The following DOCK10 variants were observed in gnomAD, a reference collection of about 807,000 sequenced individuals.
DOCK10 encodes the protein dedicator of cytokinesis protein 10.
In DOCK10, 145 loss-of-function variants were observed where a neutral mutation model predicts 280.1. The observed-to-expected ratio is 0.52, with a 90% CI of 0.45 to 0.59. The LOEUF (loss-of-function observed/expected upper bound fraction) is 0.59. Among genes scored for constraint, DOCK10 ranks in the 20% least tolerant of loss-of-function variants. The pLI, the probability that DOCK10 is intolerant of heterozygous loss-of-function variation, is 0.00. For missense variants in DOCK10, 2,368 were observed against 2,651.7 expected (o/e 0.89, Z 2.35); for synonymous variants, 915 against 942.2 (o/e 0.97, Z 0.53).
At chr2:224,891,073 T>TGATGGATG (rs368721844) in intron 4 of DOCK10, among the ~76,000 whole-genome samples, 6 of 151,718 alleles carry the variant, frequency 4.0e-5, no homozygotes, top group African/African-American at 1.2e-4. Flanking sequence ...GAAGGATGGA[T>TGATGGATG]GATGGATGGA....
At chr2:225,037,750 T>C (rs1003232131) in intron 1 of DOCK10, among the ~76,000 whole-genome samples, 5 of 152,248 alleles carry the variant, frequency 3.3e-5, no homozygotes, top group African/African-American at 4.8e-5. Context: ...TTTCTTTTTC[T>C]ATGCTAGGCC....
chr2:224,989,632 A>C (rs529588047), intron 1 of DOCK10, among the ~76,000 whole-genome samples: 1 of 152,206 alleles, frequency 6.6e-6, no homozygotes, highest in East Asian at 1.9e-4. Context: ...ATTAGTGAGA[A>C]TCTTCTTCCG....
chr2:224,978,885 T>G (rs1705595596), intron 1 of DOCK10, among the ~76,000 whole-genome samples: 1 of 152,240 alleles, frequency 6.6e-6, no homozygotes, highest in South Asian at 2.1e-4. Context: ...GTGTTCTTTA[T>G]CTGAATGGCA....
At chr2:225,035,695 T>C (rs934498955) in intron 1 of DOCK10, among the ~76,000 whole-genome samples, 2 of 149,796 alleles carry the variant, frequency 1.3e-5, no homozygotes, top group Admixed American at 1.3e-4. Context: ...CGGGCTGCCA[T>C]AATAACATAA....
At chr2:224,987,970 T>C (rs1706016431) in intron 1 of DOCK10, among the ~76,000 whole-genome samples, 1 of 152,156 alleles carries the variant, frequency 6.6e-6, no homozygotes, top group Non-Finnish European at 1.5e-5. Flanking sequence ...CAATAGTATC[T>C]GCGGTAAAAT....
At chr2:225,027,038 G>A (rs868614205) in intron 1 of DOCK10, among the ~76,000 whole-genome samples, 1 of 152,142 alleles carries the variant, frequency 6.6e-6, no homozygotes. Flanking sequence ...GTCAGGCCCC[G>A]TACATAGAGC....
At chr2:224,905,680 G>GC (rs1700580958) in intron 3 of DOCK10, among the ~76,000 whole-genome samples, 1 of 152,184 alleles carries the variant, frequency 6.6e-6, no homozygotes, top group Non-Finnish European at 1.5e-5. Flanking sequence ...AATCCAGTGA[G>GC]CCCCCATCTT....
At chr2:224,840,653 A>C (rs1309610008) in intron 23 of DOCK10, among the ~76,000 whole-genome samples, 1 of 152,228 alleles carries the variant, frequency 6.6e-6, no homozygotes, top group African/African-American at 2.4e-5. Flanking sequence ...ACACTTGCAC[A>C]TTGCTGGTAA....
intron 14 of DOCK10, among the ~76,000 whole-genome samples, chr2:224,857,589 T>C (rs16866240): frequency 0.017 from 2,626 of 152,272 alleles, 82 homozygotes; most frequent in African/African-American, 0.059. Context: ...GTCTGTTTCA[T>C]TGGAACCAAG....
chr2:224,940,213 C>A (rs1034596735), intron 1 of DOCK10, among the ~76,000 whole-genome samples: 12 of 152,134 alleles, frequency 7.9e-5, no homozygotes, highest in African/African-American at 2.9e-4. Context: ...TAGTTTGAAT[C>A]ATCAAAACCA....
At chr2:224,982,206 C>T (rs1705785880) in intron 1 of DOCK10, 1 of 1,231,488 alleles carries the variant, frequency 8.1e-7, no homozygotes, top group Non-Finnish European at 1.0e-6. Context: ...GGATACCATA[C>T]CATTATGATG....
intron 51 of DOCK10, among the ~76,000 whole-genome samples, 152 bp from the exon 52 acceptor site, chr2:224,775,267 A>G (rs1690756584): frequency 6.6e-6 from 1 of 152,146 alleles, no homozygotes. Context: ...GCTGGGCAGG[A>G]TCACAGAGAG....
Position 224,859,341 on chromosome 2 carries a change from G to A in DOCK10, c.1686-2359C>T, listed in dbSNP as rs2125593594. 2.0e-5 allele frequency among the ~76,000 whole-genome samples: 3 copies of A among 152,272 alleles called. No individual in the cohort carries two copies. In the Middle Eastern group the frequency reaches 0.01, roughly 518 times the overall value. On this transcript the variant is annotated intron_variant, in intron 14 of 55. Coordinates refer to ENST00000258390, the MANE Select transcript of DOCK10 (RefSeq NM_014689.3). ...GGAAATCACAAAAGAGTCCTGGCAA[G>A]GATGCTGGCACCTAGGATTCTGGGG...
chr2:225,005,256 T>C lies in DOCK10; in HGVS notation c.123+36996A>G, dbSNP rs553169224. ...AGCAGATTACCACTGTTATCCCATA[T>C]ACATGGATAATGGCAAACAACTTTC... On this transcript the variant is annotated intron_variant, in intron 1 of 55. Coordinates refer to ENST00000258390, the MANE Select transcript of DOCK10 (RefSeq NM_014689.3). 3.3e-4 allele frequency among the ~76,000 whole-genome samples: 50 copies of C among 152,370 alleles called. No homozygotes were observed. The East Asian group carries it at 6.7e-3, about 21-fold the overall frequency.
Position 224,770,692 on chromosome 2 carries a change from G to C in DOCK10, c.6205-47C>G. On this transcript the variant is annotated intron_variant, in intron 53 of 55. Transcript: ENST00000258390. This position sits in a 1 kb window ranked among gnomAD's most constrained non-coding sequence, Gnocchi z 4.5. Reference sequence around the variant, plus strand: ...AAGGATGATCTACCTTCTGCATGGAGTCTTTTCCACCGCTGGAAGAGGAGC... The same window carrying C: ...AAGGATGATCTACCTTCTGCATGGACTCTTTTCCACCGCTGGAAGAGGAGC... 2 of 1,396,476 alleles carry C rather than the reference G, an allele frequency of 1.4e-6. No homozygotes were observed. The highest frequency in any genetic ancestry group is 2.0e-6 in the Non-Finnish European group (2 of 982,576). The allele number at this position is 1,396,476 out of a possible 1,614,324, so 86.5% of individuals were successfully genotyped here. A position where few individuals can be genotyped will look rare whatever the true frequency, so the allele number is the denominator to read the frequency against.
chr2:224,925,691 C>G (rs1702010190), intron 2 of DOCK10, among the ~76,000 whole-genome samples: 1 of 152,174 alleles, frequency 6.6e-6, no homozygotes, highest in Admixed American at 6.5e-5. Context: ...GATAGGTGGT[C>G]TTCCTACACA....
intron 39 of DOCK10, 112 bp downstream of exon 39, chr2:224,804,000 A>ATGTGTG (rs71062961): frequency 1.5e-4 from 68 of 461,868 alleles, no homozygotes; most frequent in Middle Eastern, 6.2e-4. Flanking sequence ...AAATAGAAAT[A>ATGTGTG]TGTGTGTGTG....
rs1181890389 is a variant in DOCK10, at chr2:224,852,983, A to G, written c.2028T>C (p.Tyr676=). Residue 676 remains tyrosine, a synonymous_variant, in exon 17 of 56, where the codon TAT becomes TAC. Transcript: ENST00000258390. ...CATACTTGAGGTGTTTGGGGTAAAT[A>G]TAAATTTGATTTTTATATACTCTGT... ...RPYRVYKNQI[Y]IYPKHLKYDS... is the part of the protein sequence containing the mutation. The G allele has an allele frequency of 3.1e-6, 5 of 1,610,276 alleles. No individual in the cohort carries two copies. The highest frequency in any genetic ancestry group is 4.2e-6 in the Non-Finnish European group (5 of 1,177,714).
chr2:224,780,171 A>C (rs1234873038), intron 50 of DOCK10, among the ~76,000 whole-genome samples: 1 of 152,234 alleles, frequency 6.6e-6, no homozygotes, highest in Admixed American at 6.5e-5. Flanking sequence ...CTTGACCCCA[A>C]ACTGCTACAA....
Sources: gnomAD v4.1 joint callset for allele counts (sites outside exome capture counted in the v4.1 genomes callset) on GRCh38, gnomAD v4.1.1 for gene constraint, Gnocchi (gnomAD v3.1) non-coding constraint, MANE v1.5 for transcripts, NCBI Gene and HGNC (gene_info 2026-07-23, HGNC 2026-07-21) for gene names.